Variants in LINGO1 observed in about 807,000 individuals in gnomAD.
The protein encoded by LINGO1 is leucine-rich repeat and immunoglobulin-like domain-containing nogo receptor-interacting protein 1.
LINGO1 carries 11 observed loss-of-function variants against 37.3 expected under a neutral mutation model. The observed-to-expected ratio is 0.29, with a 90% CI of 0.19 to 0.49. The LOEUF is 0.49. LINGO1 is among the 20% of genes least tolerant of loss of function. The probability of loss-of-function intolerance (pLI) is 0.99; values close to 1 mark genes in which losing one functional copy is unlikely to be tolerated. For synonymous variants in LINGO1, 387 were observed against 403.0 expected, an observed-to-expected ratio of 0.96 and a Z score of 0.48; for missense variants, 585 against 878.2, an observed-to-expected ratio of 0.67 and a Z score of 4.22.
chr15:77,654,611 G>A (rs1403625739), intron 3 of LINGO1, among the ~76,000 whole-genome samples: 41 of 152,010 alleles, frequency 2.7e-4, no homozygotes. Flanking sequence ...TGCTAGATAG[G>A]GGCCTCCAGT....
intron 1 of LINGO1, among the ~76,000 whole-genome samples, chr15:77,764,228 G>A (rs2076505330): frequency 6.6e-6 from 1 of 152,178 alleles, no homozygotes; most frequent in South Asian, 2.1e-4. Flanking sequence ...CCTTCCAAGG[G>A]CAAATTAGGA....
chr15:77,626,212 C>T (rs907687032), intron 1 of LINGO1, among the ~76,000 whole-genome samples: 13 of 152,154 alleles, frequency 8.5e-5, no homozygotes, highest in Non-Finnish European at 4.4e-5. Context: ...TTTCTCTCCC[C>T]AACATCATAC....
intron 2 of LINGO1, among the ~76,000 whole-genome samples, chr15:77,794,294 G>GTA (rs150156901): frequency 0.11 from 8,386 of 74,336 alleles, 1,793 homozygotes; most frequent in Admixed American, 0.15. Flanking sequence ...ATATATGTAT[G>GTA]TATATATATA....
intron 2 of LINGO1, among the ~76,000 whole-genome samples, chr15:77,730,523 C>T (rs1275738484): frequency 2.6e-5 from 4 of 151,884 alleles, no homozygotes; most frequent in African/African-American, 7.2e-5. Flanking sequence ...GCGCCTGCCC[C>T]GTACCCGTCT....
At chr15:77,626,154 C>G (rs1464112402) in intron 1 of LINGO1, among the ~76,000 whole-genome samples, 1 of 152,166 alleles carries the variant, frequency 6.6e-6, no homozygotes, top group Non-Finnish European at 1.5e-5. Flanking sequence ...CCCACAGAAT[C>G]TCTGGGCTAG....
In LINGO1 at chr15:77,627,435, G is replaced by A. The variant is rs1161180109; in HGVS notation, c.6+4875C>T. On this transcript the variant is annotated intron_variant, in intron 1 of 1. Coordinates refer to ENST00000355300, the MANE Select transcript of LINGO1 (RefSeq NM_032808.7). ...GCGGGTCGGGGCCCTGCAATGCCCC[G>A]GAGTCACCTTGCTCAGCCACCCCTC... 6.6e-5 allele frequency among the ~76,000 whole-genome samples: 10 copies of A among 152,236 alleles called. No individual in the cohort carries two copies. In the East Asian group the frequency reaches 1.9e-3, roughly 30 times the overall value.
intron 1 of LINGO1, among the ~76,000 whole-genome samples, chr15:77,758,284 A>G (rs1469083304): frequency 6.6e-6 from 1 of 152,160 alleles, no homozygotes; most frequent in Non-Finnish European, 1.5e-5. Flanking sequence ...GTAGGTACAG[A>G]AGAAAGAGCA....
In LINGO1 at chr15:77,714,773, C is replaced by T. The variant is rs140593630; in HGVS notation, c.-195+20219G>A. ...GCGATAAGCCTGGCTTGCCTGGGCA[C>T]GGGGGAGGGTGCGCACGTCTCTACG... On this transcript the variant is annotated intron_variant, in intron 2 of 3. Transcript: ENST00000561686. Among the ~76,000 whole-genome samples, 9 of 152,284 alleles carry T rather than the reference C, an allele frequency of 5.9e-5. No homozygotes were observed. The East Asian group carries it at 7.7e-4, about 13-fold the overall frequency.
chr15:77,710,977 G>A (rs2075911639), intron 2 of LINGO1, among the ~76,000 whole-genome samples: 1 of 152,242 alleles, frequency 6.6e-6, no homozygotes, highest in Admixed American at 6.5e-5. Context: ...GCAGGAGGCA[G>A]CCCGCACGGC....
At chr15:77,796,479 C>T (rs2076874222) in intron 1 of LINGO1, among the ~76,000 whole-genome samples, 1 of 152,236 alleles carries the variant, frequency 6.6e-6, no homozygotes, top group Non-Finnish European at 1.5e-5. Flanking sequence ...ACCATCTCTC[C>T]TGCCAGGACT....
chr15:77,756,846 A>G (rs2076424943), intron 1 of LINGO1, among the ~76,000 whole-genome samples: 1 of 151,572 alleles, frequency 6.6e-6, no homozygotes, highest in East Asian at 1.9e-4. Flanking sequence ...ACACCCTGAT[A>G]CTCCACCGCC....
At chr15:77,753,949 G>A (rs372532820) in intron 1 of LINGO1, among the ~76,000 whole-genome samples, 11 of 152,328 alleles carry the variant, frequency 7.2e-5, no homozygotes, top group African/African-American at 2.6e-4. Flanking sequence ...CTTCCAGTGA[G>A]TGAGAAGCTA....
rs1045603011 is a variant in LINGO1, at chr15:77,765,932, C to T, written c.-257+20937G>A. 7.2e-5 allele frequency among the ~76,000 whole-genome samples: 11 copies of T among 152,226 alleles called. No homozygotes were observed. In the South Asian group the frequency reaches 1.2e-3, roughly 17 times the overall value. On this transcript the variant is annotated intron_variant, in intron 1 of 3. Coordinates refer to the LINGO1 transcript ENST00000561686. ...CACCCCACTCCTAAATAGAAACAAC[C>T]CACTGAACATCGTCAAGCATTTGGA...
chr15:77,725,968 T>C (rs994342267), intron 2 of LINGO1, among the ~76,000 whole-genome samples: 3 of 152,220 alleles, frequency 2.0e-5, no homozygotes, highest in South Asian at 2.1e-4. Context: ...TTCATTTTCC[T>C]GGCTGCAGAG....
chr15:77,660,214 A>C (rs2074958809), intron 3 of LINGO1: 1 of 152,246 alleles, frequency 6.6e-6, no homozygotes, highest in African/African-American at 2.4e-5. Context: ...GCCCTCGGGC[A>C]TGTCCAGCCT....
At chr15:77,684,246 C>T (rs1420943980) in intron 2 of LINGO1, among the ~76,000 whole-genome samples, 4 of 152,196 alleles carry the variant, frequency 2.6e-5, no homozygotes, top group Non-Finnish European at 4.4e-5. Context: ...GGCTGTGCAA[C>T]GTGCCTTGCA....
chr15:77,817,905 GA>G (rs2077061289), intron 1 of LINGO1, among the ~76,000 whole-genome samples: 1 of 152,226 alleles, frequency 6.6e-6, no homozygotes, highest in South Asian at 2.1e-4. Context: ...AAGGATAATG[GA>G]GGTGGAAGTA....
intron 3 of LINGO1, among the ~76,000 whole-genome samples, chr15:77,662,230 C>T (rs141025368): frequency 1.3e-5 from 2 of 152,248 alleles, no homozygotes; most frequent in Non-Finnish European, 2.9e-5. Context: ...AGAGGGAAGG[C>T]GTGGTACTGG....
At position 77,632,255 on chromosome 15, in the gene LINGO1, G is replaced by T; in HGVS notation, c.6+55C>A. On this transcript the variant is annotated intron_variant, in intron 1 of 1. Transcript: ENST00000355300. The surrounding 1 kb of genome is among the most constrained non-coding windows in gnomAD (Gnocchi z 6.0). ...AGCCAGGGCCGATGGCGGCCCCCAG[G>T]GGCACTCGCCGCGGGGCTGCCCGCT... The T allele has an allele frequency of 7.5e-7, 1 of 1,340,888 alleles. No individual in the cohort carries two copies. Among genetic ancestry groups the T allele is most frequent in the Non-Finnish European group, 9.5e-7 (1 of 1,052,446 alleles). 83.1% of individuals were successfully genotyped at this position (1,340,888 alleles called of 1,614,324 possible).
Sources: gnomAD v4.1 joint callset for allele counts (sites outside exome capture counted in the v4.1 genomes callset) on GRCh38, gnomAD v4.1.1 for gene constraint, Gnocchi (gnomAD v3.1) non-coding constraint, MANE v1.5 for transcripts, NCBI Gene and HGNC (gene_info 2026-07-23, HGNC 2026-07-21) for gene names.